The following IST1 variants were observed in gnomAD, a reference collection of about 807,000 sequenced individuals.
The protein encoded by IST1 is IST1 factor associated with ESCRT-III.
Under a neutral mutation model 37.0 loss-of-function variants are expected in IST1, and 23 were observed. That is an observed-to-expected ratio of 0.62 (90% CI 0.45 to 0.88). The LOEUF (loss-of-function observed/expected upper bound fraction) is 0.88. IST1 is among the 40% of genes least tolerant of loss of function. The pLI is 0.00. For missense variants in IST1, 488 were observed against 445.4 expected (o/e 1.10, Z -0.86); for synonymous variants, 180 against 161.7 (o/e 1.11, Z -0.86).
At chr16:71,919,475 C>T (rs1305819896) in intron 4 of IST1, among the ~76,000 whole-genome samples, 1 of 152,238 alleles carries the variant, frequency 6.6e-6, no homozygotes, top group Non-Finnish European at 1.5e-5. Flanking sequence ...CCTCGGCTTC[C>T]TGGGCTCAAC....
At chr16:71,915,782 A>T in intron 2 of IST1, 54 bp downstream of exon 2, 1 of 1,089,504 alleles carries the variant, frequency 9.2e-7, no homozygotes, top group African/African-American at 1.6e-5. Flanking sequence ...CTAGCACCCC[A>T]GTAATGGGTC....
chr16:71,927,814 G>A lies in IST1; in HGVS notation c.*1G>A, dbSNP rs1156422472. ...TGAAGAGCTGAAAAAGAAAACATAG[G>A]TCTCTTAAACCAGGCAACTTTCACG... On this transcript the variant is annotated 3_prime_UTR_variant, in exon 10 of 10. Coordinates refer to ENST00000378799, the MANE Select transcript of IST1 (RefSeq NM_001270975.2). 6.2e-7 allele frequency: 1 copy of A among 1,611,884 alleles called. No homozygotes were observed. Among genetic ancestry groups the A allele is most frequent in the East Asian group, 2.2e-5 (1 of 44,884 alleles).
intron 1 of IST1, among the ~76,000 whole-genome samples, chr16:71,901,389 G>A (rs893653227): frequency 1.3e-5 from 2 of 151,978 alleles, no homozygotes; most frequent in Non-Finnish European, 2.9e-5. Context: ...AATTTTTTGT[G>A]TTTTTAGTAG....
chr16:71,918,856 A>T (rs2037520886), intron 4 of IST1, among the ~76,000 whole-genome samples: 1 of 152,222 alleles, frequency 6.6e-6, no homozygotes, highest in Non-Finnish European at 1.5e-5. Context: ...CCAAAACAAA[A>T]ACCATAAAAG....
At position 71,929,931 on chromosome 16, in the gene IST1, C is replaced by T; in HGVS notation, c.*2118C>T. ...AAGATAGCTGGCAGAGCTTTTGAAACTAATAAAGGGAATATGATACTGTGC... is the reference window on the plus strand; with the variant it reads ...AAGATAGCTGGCAGAGCTTTTGAAATTAATAAAGGGAATATGATACTGTGC... On this transcript the variant is annotated 3_prime_UTR_variant, in exon 10 of 10. Coordinates refer to ENST00000378799, the MANE Select transcript of IST1 (RefSeq NM_001270975.2). The T allele has an allele frequency of 1.6e-6, 2 of 1,245,098 alleles. No homozygotes were observed. Among genetic ancestry groups the T allele is most frequent in the Non-Finnish European group, 2.2e-6 (2 of 918,832 alleles). 77.1% of individuals were successfully genotyped at this position (1,245,098 alleles called of 1,614,324 possible).
chr16:71,908,270 A>G (rs1204753710), intron 1 of IST1, among the ~76,000 whole-genome samples: 1 of 147,192 alleles, frequency 6.8e-6, no homozygotes, highest in Non-Finnish European at 1.5e-5. Flanking sequence ...TTTCCATTCA[A>G]GAGAAATTTC....
In IST1 at chr16:71,917,215, T is replaced by G. The variant is rs1053088082; in HGVS notation, c.357+81T>G. The G allele has an allele frequency of 7.1e-5, 57 of 803,804 alleles. No homozygotes were observed. In the African/African-American group the frequency reaches 9.3e-4, roughly 13 times the overall value. The allele number at this position is 803,804 out of a possible 1,614,324, so 49.8% of individuals were successfully genotyped here. On this transcript the variant is annotated intron_variant, in intron 4 of 9. Coordinates refer to ENST00000378799, the MANE Select transcript of IST1 (RefSeq NM_001270975.2). ...GGTTAATATAAGTTACTTCTGCTGA[T>G]TTGACCAGATATTTTGTACCATTCT...
chr16:71,924,517 G>A (rs992738199), intron 8 of IST1: 2 of 569,610 alleles, frequency 3.5e-6, no homozygotes, highest in African/African-American at 3.8e-5. Flanking sequence ...CTGGAGGCCA[G>A]GAAGTGGAGG....
chr16:71,900,496 TATTCAGGATGGGGAGG>T (rs2037083622), intron 1 of IST1, among the ~76,000 whole-genome samples: 1 of 152,044 alleles, frequency 6.6e-6, no homozygotes, highest in Non-Finnish European at 1.5e-5. Context: ...TTACTTTGCT[TATTCAGGATGGGGAGG>T]CTAACTAGCT....
At chr16:71,921,697 T>C (rs1391330996) in intron 6 of IST1, 4 of 409,778 alleles carry the variant, frequency 9.8e-6, no homozygotes, top group Non-Finnish European at 1.8e-5. Flanking sequence ...TTATTGCTAC[T>C]TTTTGGTGAA....
intron 4 of IST1, among the ~76,000 whole-genome samples, chr16:71,918,945 T>G (rs1454533797): frequency 1.3e-5 from 2 of 152,218 alleles, no homozygotes; most frequent in Non-Finnish European, 1.5e-5. Flanking sequence ...CCTACTGGGC[T>G]TCTGGAATGT....
At chr16:71,916,723 A>T in intron 3 of IST1, 81 bp downstream of exon 3, 1 of 1,174,750 alleles carries the variant, frequency 8.5e-7, no homozygotes, top group Non-Finnish European at 1.2e-6. Flanking sequence ...GCATTAAGGG[A>T]CTATTTCACA....
intron 1 of IST1, among the ~76,000 whole-genome samples, chr16:71,910,861 C>G (rs1423657760): frequency 5.1e-4 from 77 of 152,232 alleles, no homozygotes; most frequent in Non-Finnish European, 4.4e-5. Context: ...GCTCTACTTT[C>G]CAGAGTTAAC....
chr16:71,919,463 A>G (rs1194056352), intron 4 of IST1, among the ~76,000 whole-genome samples: 2 of 152,252 alleles, frequency 1.3e-5, no homozygotes, highest in Non-Finnish European at 2.9e-5. Context: ...GCCTCACTGC[A>G]GCCTCGGCTT....
At chr16:71,924,180 G>T in intron 8 of IST1, 2 of 455,972 alleles carry the variant, frequency 4.4e-6, no homozygotes, top group South Asian at 3.1e-5. Context: ...GAATGAGGTC[G>T]AAAATCTTCA....
chr16:71,922,115 G>C (rs1340827253), intron 6 of IST1, among the ~76,000 whole-genome samples: 1 of 152,122 alleles, frequency 6.6e-6, no homozygotes. Context: ...ACTCCAGTCT[G>C]GGTGACAGAG....
chr16:71,910,605 C>CA (rs200536197), intron 1 of IST1, among the ~76,000 whole-genome samples: 26,046 of 90,874 alleles, frequency 0.29, 3,036 homozygotes, highest in Middle Eastern at 0.39. Context: ...GACTCTGTCT[C>CA]AAAAAAAAAA....
At chr16:71,922,445 A>T in intron 6 of IST1, 29 bp from the exon 7 acceptor site, 8 of 1,596,060 alleles carry the variant, frequency 5.0e-6, no homozygotes, top group Non-Finnish European at 6.9e-6. Context: ...GACATGGGTT[A>T]ATGACCTGGG....
intron 9 of IST1, 36 bp from the exon 10 acceptor site, chr16:71,927,578 T>C (rs1320783089): frequency 7.8e-6 from 11 of 1,413,934 alleles, no homozygotes; most frequent in Non-Finnish European, 1.1e-5. Context: ...GTCATTTCTC[T>C]GGTATTTGTA....
Sources: allele counts gnomAD v4.1 joint callset (sites outside exome capture counted in the v4.1 genomes callset), GRCh38; gene constraint gnomAD v4.1.1; transcripts MANE v1.5; gene names NCBI Gene and HGNC (gene_info 2026-07-23, HGNC 2026-07-21).